Variants in SLC25A35 observed in about 807,000 individuals in gnomAD.
SLC25A35 encodes solute carrier family 25 member 35.
SLC25A35 carries 32 observed loss-of-function variants against 30.5 expected under a neutral mutation model. The observed-to-expected ratio is 1.05, with a 90% CI of 0.79 to 1.41. The LOEUF is 1.41. Ranked by LOEUF, SLC25A35 falls within the 40% of genes most tolerant of loss-of-function variation. SLC25A35 has a pLI of 0.00. For synonymous variants in SLC25A35, 142 were observed against 158.1 expected (o/e 0.90, Z 0.77); for missense variants, 369 against 388.0 (o/e 0.95, Z 0.41).
At chr17:8,289,028 A>C, downstream of SLC25A35, 1 of 1,613,996 alleles carries the variant, frequency 6.2e-7, no homozygotes. Context: ...TGATAGTGGA[A>C]CTTCTCGAGC....
chr17:8,292,350 C>A (rs560657405), intron 2 of SLC25A35, among the ~76,000 whole-genome samples, 173 bp downstream of exon 2: 9 of 152,278 alleles, frequency 5.9e-5, no homozygotes, highest in Non-Finnish European at 1.3e-4. Flanking sequence ...CAGAGCGAGA[C>A]TCCATCTAAA....
At chr17:8,289,640 C>T (rs1308966946), downstream of SLC25A35, 3 of 1,605,774 alleles carry the variant, frequency 1.9e-6, no homozygotes, top group South Asian at 1.1e-5. Flanking sequence ...CCAGGAGAAT[C>T]GGGCTGGGAG....
At chr17:8,291,509 G>A (rs527700476) in intron 2 of SLC25A35, 24 bp from the exon 3 acceptor site, 1 of 1,593,238 alleles carries the variant, frequency 6.3e-7, no homozygotes, top group South Asian at 1.1e-5. Flanking sequence ...GACCGGGGGT[G>A]GGGTTCAGAC....
In SLC25A35 at chr17:8,295,174, G is replaced by A; in HGVS notation, c.-367C>T. On this transcript the variant is annotated 5_prime_UTR_variant, in exon 1 of 5. Transcript: ENST00000577745. ...GAGGGAATCGCGGGGTTGGGAGATG[G>A]AAGCCAGGGAGGCAGGAAGAAGAAA... is the stretch of plus-strand genomic sequence containing the variant. 9.7e-7 allele frequency: 1 copy of A among 1,026,780 alleles called. No individual in the cohort carries two copies. The highest frequency in any genetic ancestry group is 1.2e-6 in the Non-Finnish European group (1 of 856,984). 63.6% of individuals were successfully genotyped at this position (1,026,780 alleles called of 1,614,324 possible). A position where few individuals can be genotyped will look rare whatever the true frequency, so the allele number is the denominator to read the frequency against.
At chr17:8,289,044 G>A, downstream of SLC25A35, 1 of 1,613,918 alleles carries the variant, frequency 6.2e-7, no homozygotes, top group Non-Finnish European at 8.5e-7. Context: ...CGAGCTGCAG[G>A]CCCACGTACG....
In SLC25A35 at chr17:8,290,089, A is replaced by G; in HGVS notation, c.*416T>C. ...AGAATAAACTTGCTTTATAATCAATATAATCTCTGTGCCTTTGAATCTAAC... is the reference window on the plus strand; with the variant it reads ...AGAATAAACTTGCTTTATAATCAATGTAATCTCTGTGCCTTTGAATCTAAC... On this transcript the variant is annotated 3_prime_UTR_variant, in exon 5 of 5. Transcript: ENST00000577745. 6.5e-7 allele frequency: 1 copy of G among 1,529,534 alleles called. No homozygotes were observed. 94.7% of individuals were successfully genotyped at this position (1,529,534 alleles called of 1,614,324 possible). A position where few individuals can be genotyped will look rare whatever the true frequency, so the allele number is the denominator to read the frequency against.
downstream of SLC25A35, chr17:8,288,379 T>G (rs931048205): frequency 3.5e-6 from 1 of 287,618 alleles, no homozygotes; most frequent in African/African-American, 2.2e-5. Flanking sequence ...AGGTGGAGAC[T>G]GCAGTGAGCG....
intron 2 of SLC25A35, 61 bp downstream of exon 2, chr17:8,292,462 A>G (rs1455600196): frequency 6.5e-7 from 1 of 1,534,904 alleles, no homozygotes; most frequent in African/African-American, 1.4e-5. Flanking sequence ...GGGTGCAGGC[A>G]GAAAGCTAGG....
rs1273989035 is a variant in SLC25A35 at position 8,295,354 on chromosome 17, C to T, written c.-547G>A. ...CAGCCACCGGAGCTCGCAGTAGCTT[C>T]AACCCCGGGTAGCCTGCGGAGGCCG... On this transcript the variant is annotated 5_prime_UTR_variant, in exon 1 of 5. Coordinates refer to ENST00000577745, the MANE Select transcript of SLC25A35 (RefSeq NM_001320870.2). 2.0e-5 allele frequency: 20 copies of T among 985,726 alleles called. No homozygotes were observed. The highest frequency in any genetic ancestry group is 2.4e-6 in the Non-Finnish European group (2 of 830,246). 61.1% of individuals were successfully genotyped at this position (985,726 alleles called of 1,614,324 possible). A position where few individuals can be genotyped will look rare whatever the true frequency, so the allele number is the denominator to read the frequency against.
At chr17:8,288,487 C>T, downstream of SLC25A35, 1 of 491,344 alleles carries the variant, frequency 2.0e-6, no homozygotes, top group Non-Finnish European at 3.7e-6. Flanking sequence ...GGAGCATGCT[C>T]GTGACCACCG....
In SLC25A35 at chr17:8,291,314, C is replaced by T. The variant is rs1265731235; in HGVS notation, c.594+19G>A. The T allele has an allele frequency of 1.2e-6, 2 of 1,613,420 alleles. No individual in the cohort carries two copies. The highest frequency in any genetic ancestry group is 8.5e-7 in the Non-Finnish European group (1 of 1,179,606). ...TTCCCCCCTTCCCGAAACAGACCCA[C>T]CCATTTCCCAGGCAGTACCTCCCAC... On this transcript the variant is annotated intron_variant, in intron 3 of 4. Transcript: ENST00000577745.
downstream of SLC25A35, chr17:8,288,761 C>A (rs778425705): frequency 1.2e-6 from 2 of 1,613,074 alleles, no homozygotes; most frequent in Non-Finnish European, 1.7e-6. Flanking sequence ...TTAAACCTTT[C>A]TAATGCCCAT....
rs149743992 is a variant in SLC25A35, at chr17:8,291,464, C to T, written c.463G>A (p.Glu155Lys). ...KHQGMFQALT[E>K]IGQKHGLVGL... Reference sequence around the variant, plus strand: ...ACCAGACCATGTTTCTGGCCAATCTCGGTTAGCGCCTGAAACATGCCCTAG... The same window carrying T: ...ACCAGACCATGTTTCTGGCCAATCTTGGTTAGCGCCTGAAACATGCCCTAG... The change falls in exon 3 of 5, where the codon GAG becomes AAG. Residue 155 changes from glutamate to lysine, a missense_variant. Glu to Lys is a moderately conservative substitution (Grantham distance 56, BLOSUM62 1). Transcript: ENST00000577745. 2.5e-5 allele frequency: 40 copies of T among 1,614,066 alleles called. No homozygotes were observed. The highest frequency in any genetic ancestry group is 1.7e-4 in the Middle Eastern group (1 of 6,060).
At chr17:8,293,831 G>T (rs1286851283) in intron 1 of SLC25A35, among the ~76,000 whole-genome samples, 1 of 150,316 alleles carries the variant, frequency 6.7e-6, no homozygotes, top group Non-Finnish European at 1.5e-5. Context: ...GATTACTGGC[G>T]TGAGCCACCG....
chr17:8,291,189 GAAGGGTCTA>G (rs973633610), intron 3 of SLC25A35, 135 bp downstream of exon 3: 130 of 1,337,584 alleles, frequency 9.7e-5, no homozygotes, highest in Non-Finnish European at 1.0e-4. Context: ...AGAACTGTGG[GAAGGGTCTA>G]AAGAGTTGAC....
chr17:8,291,808 G>C (rs1026026413), intron 2 of SLC25A35, among the ~76,000 whole-genome samples: 4 of 152,244 alleles, frequency 2.6e-5, no homozygotes, highest in Admixed American at 6.5e-5. Flanking sequence ...CTAGCACTTT[G>C]GGAGGCCCAG....
downstream of SLC25A35, chr17:8,288,436 T>G: frequency 3.1e-6 from 1 of 318,966 alleles, no homozygotes; most frequent in Non-Finnish European, 6.0e-6. Context: ...GCGAGACCTG[T>G]CAATCAATCA....
At chr17:8,291,212 C>T in intron 3 of SLC25A35, 121 bp downstream of exon 3, 1 of 1,462,422 alleles carries the variant, frequency 6.8e-7, no homozygotes, top group Non-Finnish European at 9.3e-7. Flanking sequence ...AGTTGACCTC[C>T]AAGCCCTCCT....
intron 2 of SLC25A35, among the ~76,000 whole-genome samples, chr17:8,291,838 T>G (rs1443624342): frequency 6.6e-6 from 1 of 151,756 alleles, no homozygotes; most frequent in East Asian, 1.9e-4. Context: ...TCACCTGAGG[T>G]CAGGAGTTTG....
Sources: allele counts gnomAD v4.1 joint callset (sites outside exome capture counted in the v4.1 genomes callset), GRCh38; gene constraint gnomAD v4.1.1; transcripts MANE v1.5; gene names NCBI Gene and HGNC (gene_info 2026-07-23, HGNC 2026-07-21).